Variants in PHEX observed in about 807,000 individuals in gnomAD.
PHEX encodes the protein phosphate regulating endopeptidase X-linked, also known as phosphate-regulating neutral endopeptidase PHEX.
PHEX carries 16 observed loss-of-function variants against 68.0 expected under a neutral mutation model. The observed-to-expected ratio is 0.24, with a 90% CI of 0.16 to 0.36. The LOEUF is 0.36. Ranked by LOEUF, PHEX falls within the 10% of genes least tolerant of loss-of-function variation. PHEX has a pLI of 1.00. For missense variants in PHEX, 480 were observed against 575.5 expected (o/e 0.83, Z 1.70); for synonymous variants, 208 against 205.1 (o/e 1.01, Z -0.12).
At chrX:22,090,539 C>A in intron 6 of PHEX, 42 bp downstream of exon 6, 1 of 947,118 alleles carries the variant, frequency 1.1e-6, no homozygotes. Flanking sequence ...TACCAGGCTG[C>A]TGTCAGGCCC....
chrX:22,101,078 A>G (rs1300286732), intron 9 of PHEX, among the ~76,000 whole-genome samples: 1 of 111,479 alleles, frequency 9.0e-6, no homozygotes, highest in Non-Finnish European at 1.9e-5. Flanking sequence ...TGGGAAGCTG[A>G]GGCAGGAGAA....
chrX:22,084,329 C>T (rs1388993652), intron 5 of PHEX, among the ~76,000 whole-genome samples: 1 of 111,206 alleles, frequency 9.0e-6, no homozygotes, highest in Non-Finnish European at 1.9e-5. Flanking sequence ...ATCCTGGCAT[C>T]CCTGGATTAA....
chrX:22,236,804 G>T (rs866167437), intron 20 of PHEX, among the ~76,000 whole-genome samples: 2 of 98,591 alleles, frequency 2.0e-5, no homozygotes, highest in Non-Finnish European at 4.2e-5. Flanking sequence ...CTATCAATCA[G>T]TTCTTACTAT....
chrX:22,130,456 C>T (rs760609155), intron 11 of PHEX, among the ~76,000 whole-genome samples: 15 of 105,647 alleles, frequency 1.4e-4, no homozygotes, highest in South Asian at 4.5e-4. Context: ...GCAGAAGAAT[C>T]GCTTGAACCT....
intron 21 of PHEX, among the ~76,000 whole-genome samples, chrX:22,246,240 C>T (rs775637466): frequency 5.4e-5 from 6 of 111,340 alleles, no homozygotes; most frequent in East Asian, 2.8e-4. Flanking sequence ...TCTATAGTAC[C>T]GGAAAGATAA....
intron 14 of PHEX, among the ~76,000 whole-genome samples, chrX:22,185,512 C>T (rs1390021429): frequency 9.0e-6 from 1 of 111,693 alleles, no homozygotes; most frequent in African/African-American, 3.3e-5. Flanking sequence ...ACACACACCA[C>T]TTGAAGGAAT....
intron 15 of PHEX, among the ~76,000 whole-genome samples, chrX:22,194,346 T>G (rs1179457469): frequency 8.9e-6 from 1 of 111,821 alleles, no homozygotes; most frequent in African/African-American, 3.3e-5. Flanking sequence ...TCCTTTCTGA[T>G]TTTCTGGACT....
At chrX:22,234,105 G>A (rs1165280486) in intron 20 of PHEX, among the ~76,000 whole-genome samples, 1 of 112,922 alleles carries the variant, frequency 8.9e-6, no homozygotes, top group Admixed American at 9.3e-5. Context: ...GTTTACCTGG[G>A]TATCACCAGC....
Position 22,248,167 on chromosome X carries a change from T to C in PHEX, c.*214T>C, listed in dbSNP as rs1347615393. The C allele has an allele frequency of 2.4e-6, 1 of 416,507 alleles. No individual in the cohort carries two copies. Among genetic ancestry groups the C allele is most frequent in the Non-Finnish European group, 4.2e-6 (1 of 238,768 alleles). The allele number at this position is 416,507 out of a possible 1,213,427, so 34.3% of individuals were successfully genotyped here. A position where few individuals can be genotyped will look rare whatever the true frequency, so the allele number is the denominator to read the frequency against. ...TAAGAATGAACTAAGTATGTTTCTT[T>C]AGAAAATCAAACCAACAAAAATAAA... On this transcript the variant is annotated 3_prime_UTR_variant, in exon 22 of 22. Transcript: ENST00000379374.
chrX:22,103,130 A>G (rs1602296203), intron 9 of PHEX, among the ~76,000 whole-genome samples: 1 of 110,768 alleles, frequency 9.0e-6, no homozygotes, highest in South Asian at 3.8e-4. Context: ...CTTTTTTTCC[A>G]TAAATGTCTT....
intron 3 of PHEX, among the ~76,000 whole-genome samples, chrX:22,076,132 C>G (rs753231216): frequency 6.0e-4 from 67 of 112,474 alleles, no homozygotes; most frequent in Non-Finnish European, 1.2e-3. Context: ...CATCCATTCT[C>G]AGTTGGAAAT....
chrX:22,102,046 C>T (rs1043949364), intron 9 of PHEX, among the ~76,000 whole-genome samples: 2 of 111,828 alleles, frequency 1.8e-5, no homozygotes, highest in African/African-American at 3.2e-5. Context: ...TCTATCCCCT[C>T]AAGCATTTGT....
At chrX:22,223,743 A>G (rs1172144642) in intron 18 of PHEX, among the ~76,000 whole-genome samples, 14 of 112,775 alleles carry the variant, frequency 1.2e-4, no homozygotes. Flanking sequence ...CTCAAAACAC[A>G]CAAACACACA....
At chrX:22,243,588 A>G (rs1411922664) in intron 20 of PHEX, among the ~76,000 whole-genome samples, 1 of 112,422 alleles carries the variant, frequency 8.9e-6, no homozygotes, top group East Asian at 2.8e-4. Flanking sequence ...ATTTACAAGA[A>G]AAAAACAACC....
At chrX:22,209,944 A>T (rs1352793873) in intron 15 of PHEX, among the ~76,000 whole-genome samples, 5 of 104,966 alleles carry the variant, frequency 4.8e-5, no homozygotes, top group East Asian at 3.4e-4. Flanking sequence ...AAATGGTAAA[A>T]AAAAAAAAAA....
chrX:22,174,729 G>A (rs550190060), intron 13 of PHEX, among the ~76,000 whole-genome samples: 2 of 111,922 alleles, frequency 1.8e-5, no homozygotes, highest in Non-Finnish European at 3.8e-5. Context: ...CTGTACTGCC[G>A]TAATTGATGT....
chrX:22,131,563 A>G (rs900841264), intron 11 of PHEX, among the ~76,000 whole-genome samples: 7 of 113,031 alleles, frequency 6.2e-5, no homozygotes, highest in Non-Finnish European at 1.1e-4. Context: ...TCTTATTTAC[A>G]TATGATGGAA....
At chrX:22,200,758 G>T (rs1934525144) in intron 15 of PHEX, among the ~76,000 whole-genome samples, 1 of 111,764 alleles carries the variant, frequency 8.9e-6, no homozygotes, top group South Asian at 3.8e-4. Context: ...CTGGTTGGGG[G>T]ATTGTTTCTC....
At chrX:22,104,452 G>T (rs745952544) in intron 9 of PHEX, among the ~76,000 whole-genome samples, 1 of 110,849 alleles carries the variant, frequency 9.0e-6, no homozygotes, top group Non-Finnish European at 1.9e-5. Flanking sequence ...GGTGGAAAGG[G>T]GGGTGGGGTA....
Sources: allele counts gnomAD v4.1 joint callset (sites outside exome capture counted in the v4.1 genomes callset), GRCh38; gene constraint gnomAD v4.1.1; transcripts MANE v1.5; gene names NCBI Gene and HGNC (gene_info 2026-07-23, HGNC 2026-07-21).